Variants in WIPI1 observed in about 807,000 individuals in gnomAD.
WIPI1 encodes WD repeat domain phosphoinositide-interacting protein 1.
WIPI1 carries 45 observed loss-of-function variants against 55.3 expected under a neutral mutation model. That is an observed-to-expected ratio of 0.81 (90% CI 0.64 to 1.04). The LOEUF is 1.04. WIPI1 is among the 50% of genes least tolerant of loss of function. The pLI is 0.00. For synonymous variants in WIPI1, 195 were observed against 217.6 expected (o/e 0.90, Z 0.92); for missense variants, 445 against 559.0 (o/e 0.80, Z 2.06).
At chr17:68,443,136 A>C (rs1245881679) in intron 4 of WIPI1, among the ~76,000 whole-genome samples, 1 of 152,070 alleles carries the variant, frequency 6.6e-6, no homozygotes. Flanking sequence ...TTTGAGACAG[A>C]GTCTCGATCT....
intron 8 of WIPI1, among the ~76,000 whole-genome samples, chr17:68,430,922 C>G (rs1568629574): frequency 6.6e-6 from 1 of 152,180 alleles, no homozygotes; most frequent in Non-Finnish European, 1.5e-5. Flanking sequence ...CAGCTCAGAG[C>G]TCTGGGAGGT....
chr17:68,434,812 C>A (rs577935247), intron 6 of WIPI1, among the ~76,000 whole-genome samples, 186 bp from the exon 7 acceptor site: 1 of 152,264 alleles, frequency 6.6e-6, no homozygotes, highest in South Asian at 2.1e-4. Flanking sequence ...GTTATAAACA[C>A]CCTCTGTCTA....
chr17:68,437,005 A>AT (rs1555801304), intron 4 of WIPI1, among the ~76,000 whole-genome samples: 1,552 of 107,236 alleles, frequency 0.014, 48 homozygotes, highest in East Asian at 0.12. Flanking sequence ...AAAAAAAAAA[A>AT]ATATATATAT....
intron 3 of WIPI1, among the ~76,000 whole-genome samples, chr17:68,449,495 C>A (rs965465913): frequency 1.4e-4 from 22 of 152,142 alleles, no homozygotes; most frequent in Non-Finnish European, 4.4e-5. Flanking sequence ...AATCTCATGT[C>A]GAATTGTAAT....
At position 68,441,060 on chromosome 17, in the gene WIPI1, C is replaced by T. The variant is rs555379991; in HGVS notation, c.430+3433G>A. ...ATCTGCATTGCTGTGTGGTATGGAA[C>T]GCTCCCTCAATATCCCATAAAAGGT... On this transcript the variant is annotated intron_variant, in intron 4 of 12. Transcript: ENST00000262139. The T allele has an allele frequency of 5.9e-5, 9 of 152,290 alleles. No homozygotes were observed. In the South Asian group the frequency reaches 1.0e-3, roughly 18 times the overall value. 9.4% of individuals were successfully genotyped at this position (152,290 alleles called of 1,614,324 possible). A position where few individuals can be genotyped will look rare whatever the true frequency, so the allele number is the denominator to read the frequency against.
rs766417678 is a variant in WIPI1, at chr17:68,437,659, A to G, written c.431-1180T>C. The stretch of plus-strand genomic sequence containing the variant: ...AAGTTTATTTGAGGTCTGCGTCTGC[A>G]GTCAAGATGGTGTGCCTAGACATTG... On this transcript the variant is annotated intron_variant, in intron 4 of 12. Coordinates refer to ENST00000262139, the MANE Select transcript of WIPI1 (RefSeq NM_017983.7). Among the ~76,000 whole-genome samples the G allele has an allele frequency of 7.2e-5, 11 of 152,316 alleles. No homozygotes were observed. In the Middle Eastern group the frequency reaches 0.01, roughly 141 times the overall value.
Position 68,423,145 on chromosome 17 carries a change from T to C in WIPI1, c.1294-1325A>G, listed in dbSNP as rs1437760927. Among the ~76,000 whole-genome samples the C allele has an allele frequency of 6.6e-6, 1 of 152,162 alleles. No individual in the cohort carries two copies. The highest frequency in any genetic ancestry group is 1.5e-5 in the Non-Finnish European group (1 of 68,036). ...TAACCAAGCTGAGACTCCAAGAGCC[T>C]TTTGTGGTCCTAGAAGATTTTAAGG... On this transcript the variant is annotated intron_variant, in intron 12 of 12. Transcript: ENST00000262139. The surrounding 1 kb of genome is among the most constrained non-coding windows in gnomAD (Gnocchi z 4.4).
rs754687390 is a variant in WIPI1 at position 68,428,821 on chromosome 17, C to G, written c.1073+8G>C. On this transcript the variant is annotated splice_region_variant and intron_variant, in intron 10 of 12. Transcript: ENST00000262139. ...GAAAGGCTGTCTTTTGAAAAGCAGTCTCTTCACCTGTGGGTTTTGATTAAG... is the reference window on the plus strand; with the variant it reads ...GAAAGGCTGTCTTTTGAAAAGCAGTGTCTTCACCTGTGGGTTTTGATTAAG... 6.2e-7 allele frequency: 1 copy of G among 1,608,230 alleles called. No individual in the cohort carries two copies. Among genetic ancestry groups the G allele is most frequent in the Non-Finnish European group, 8.5e-7 (1 of 1,174,912 alleles).
At chr17:68,456,593 C>T (rs1282643809) in intron 1 of WIPI1, among the ~76,000 whole-genome samples, 3 of 152,224 alleles carry the variant, frequency 2.0e-5, no homozygotes, top group Non-Finnish European at 1.5e-5. Context: ...CAAATGTGAA[C>T]ATCGAAGTAA....
At chr17:68,456,523 T>TA (rs2084648476) in intron 1 of WIPI1, among the ~76,000 whole-genome samples, 1 of 152,172 alleles carries the variant, frequency 6.6e-6, no homozygotes, top group Non-Finnish European at 1.5e-5. Flanking sequence ...CGTTTGCCTG[T>TA]AAGTCACAGA....
chr17:68,429,468 T>C lies in WIPI1; in HGVS notation c.965+528A>G, dbSNP rs2287297. ...AAAATAAGAATTGTTTTTAAGACAG[T>C]GTCATTATAACCAGAAGGCTAAAAT... On this transcript the variant is annotated intron_variant, in intron 9 of 12. Coordinates refer to ENST00000262139, the MANE Select transcript of WIPI1 (RefSeq NM_017983.7). Among the ~76,000 whole-genome samples the C allele has an allele frequency of 5.9e-5, 9 of 152,334 alleles. No individual in the cohort carries two copies. The East Asian group carries it at 1.7e-3, about 29-fold the overall frequency.
At chr17:68,432,570 C>T (rs1343458804) in intron 8 of WIPI1, among the ~76,000 whole-genome samples, 1 of 152,100 alleles carries the variant, frequency 6.6e-6, no homozygotes, top group African/African-American at 2.4e-5. Flanking sequence ...TGCCCGGCCT[C>T]TGTCATGTAT....
At chr17:68,454,603 A>G (rs1027337417) in intron 1 of WIPI1, among the ~76,000 whole-genome samples, 1 of 152,240 alleles carries the variant, frequency 6.6e-6, no homozygotes, top group Non-Finnish European at 1.5e-5. Context: ...AGACTGAGGT[A>G]TTCATGATGA....
chr17:68,444,635 A>G, intron 3 of WIPI1, 46 bp from the exon 4 acceptor site: 1 of 1,510,410 alleles, frequency 6.6e-7, no homozygotes, highest in Non-Finnish European at 9.1e-7. Context: ...TTCCTTACAA[A>G]GACCCTGACC....
At position 68,427,146 on chromosome 17, in the gene WIPI1, G is replaced by A; in HGVS notation, c.1181C>T (p.Ser394Phe). 6.2e-7 allele frequency: 1 copy of A among 1,613,982 alleles called. No homozygotes were observed. The change falls in exon 11 of 13, where the codon TCC (serine) becomes TTC (phenylalanine). Residue 394 changes from serine (S) to phenylalanine (F), a missense_variant. Physicochemically the swap from Ser to Phe is radical, Grantham distance 155. Coordinates refer to ENST00000262139, the MANE Select transcript of WIPI1 (RefSeq NM_017983.7). ...CCGTGTCCACCCACCTGGCACCGTGGAGGCTGAAGATGCACTTGGTCTGGC... is the reference window on the plus strand; with the variant it reads ...CCGTGTCCACCCACCTGGCACCGTGAAGGCTGAAGATGCACTTGGTCTGGC... ...TVARPSASSA[S>F]TVPGYSEDGG...
rs763239504 is a variant in WIPI1, at chr17:68,436,377, C to CT, written c.528+4dup. The CT allele has an allele frequency of 1.9e-6, 3 of 1,613,630 alleles. No homozygotes were observed. In the Admixed American group the frequency reaches 5.0e-5, roughly 27 times the overall value. On this transcript the variant is annotated splice_donor_region_variant and intron_variant, in intron 5 of 12. Coordinates refer to ENST00000262139, the MANE Select transcript of WIPI1 (RefSeq NM_017983.7). ...GTTGGCTCAGCCAGGTCACCGTCAA[C>CT]TTACCAGGGAGTTTCCATCATAAAG...
At chr17:68,432,298 A>T (rs2083564914) in intron 8 of WIPI1, among the ~76,000 whole-genome samples, 2 of 152,192 alleles carry the variant, frequency 1.3e-5, no homozygotes, top group Non-Finnish European at 2.9e-5. Context: ...GACCTCAGGC[A>T]GCGTGGGCTT....
chr17:68,429,815 C>G (rs1488810690), intron 9 of WIPI1, among the ~76,000 whole-genome samples, 181 bp downstream of exon 9: 1 of 152,180 alleles, frequency 6.6e-6, no homozygotes, highest in Non-Finnish European at 1.5e-5. Context: ...TCTCAAACTC[C>G]TGACCTCAGA....
rs149990429 is a variant in WIPI1, at chr17:68,428,323, G to A, written c.1073+506C>T. 64 of 158,220 alleles carry A rather than the reference G, an allele frequency of 4.0e-4. No individual in the cohort carries two copies. The East Asian group carries it at 0.011, about 26-fold the overall frequency. The allele number at this position is 158,220 out of a possible 1,614,324, so 9.8% of individuals were successfully genotyped here. A position where few individuals can be genotyped will look rare whatever the true frequency, so the allele number is the denominator to read the frequency against. On this transcript the variant is annotated intron_variant, in intron 10 of 12. Coordinates refer to ENST00000262139, the MANE Select transcript of WIPI1 (RefSeq NM_017983.7). ...ATGGCTCACTGCCTCAACCTCTCCA[G>A]GCTCAGGTGATTCTCCCACCTCAGC...
Sources: allele counts gnomAD v4.1 joint callset (sites outside exome capture counted in the v4.1 genomes callset), GRCh38; gene constraint gnomAD v4.1.1; non-coding constraint Gnocchi (gnomAD v3.1); transcripts MANE v1.5; gene names NCBI Gene and HGNC (gene_info 2026-07-23, HGNC 2026-07-21).